The following SYT16 variants were observed in gnomAD, a reference collection of about 807,000 sequenced individuals.
SYT16 encodes synaptotagmin-16.
Under a neutral mutation model 61.4 loss-of-function variants are expected in SYT16, and 42 were observed. That is an observed-to-expected ratio of 0.68 (90% CI 0.53 to 0.89). The LOEUF (loss-of-function observed/expected upper bound fraction) is 0.89, where lower values mean the gene tolerates loss of function less well. SYT16 is among the 40% of genes least tolerant of loss of function. The probability of loss-of-function intolerance (pLI) is 0.00; values close to 1 mark genes in which losing one functional copy is unlikely to be tolerated. For synonymous variants in SYT16, 314 were observed against 302.3 expected (o/e 1.04, Z -0.40); for missense variants, 804 against 807.3 (o/e 1.00, Z 0.05).
intron 1 of SYT16, among the ~76,000 whole-genome samples, chr14:61,898,080 A>G (rs2048386211): frequency 6.6e-6 from 1 of 152,184 alleles, no homozygotes; most frequent in Admixed American, 6.5e-5. Context: ...AACCATCCCT[A>G]GCGCCCGTTA....
At chr14:61,878,268 C>T (rs1418726803) in intron 1 of SYT16, among the ~76,000 whole-genome samples, 2 of 152,144 alleles carry the variant, frequency 1.3e-5, no homozygotes, top group East Asian at 1.9e-4. Flanking sequence ...AAACATTTCT[C>T]CTAGAAAACC....
At chr14:62,096,761 C>G (rs746362750) in intron 7 of SYT16, among the ~76,000 whole-genome samples, 3 of 152,054 alleles carry the variant, frequency 2.0e-5, no homozygotes, top group Non-Finnish European at 4.4e-5. Context: ...AGAAGTTGGA[C>G]AGGATCCCAA....
intron 3 of SYT16, among the ~76,000 whole-genome samples, chr14:62,037,810 T>C (rs1325815022): frequency 6.6e-6 from 1 of 152,202 alleles, no homozygotes; most frequent in East Asian, 1.9e-4. Context: ...GGGCTATTTC[T>C]GATTTCTTAA....
intron 3 of SYT16, among the ~76,000 whole-genome samples, chr14:62,005,601 C>G (rs1179935892): frequency 6.6e-6 from 1 of 152,162 alleles, no homozygotes; most frequent in Non-Finnish European, 1.5e-5. Flanking sequence ...ATTCCACCCA[C>G]TTCTTTCCAT....
rs183021104 is a variant in SYT16, at chr14:61,845,948, G to T, written c.-325+33138G>T. Among the ~76,000 whole-genome samples the T allele has an allele frequency of 2.1e-3, 323 of 152,256 alleles. 1 individual carries two copies. Among genetic ancestry groups the T allele is most frequent in the African/African-American group, 7.5e-3 (313 of 41,544 alleles). ...TCTCCGTAGACCCATTGGTCATTCA[G>T]GAGCATATTGTTTAATTTCCATGTA... On this transcript the variant is annotated intron_variant, in intron 1 of 7. Transcript: ENST00000683842.
intron 1 of SYT16, chr14:61,832,298 G>T (rs72716755): frequency 1.0e-5 from 6 of 588,450 alleles, no homozygotes; most frequent in Non-Finnish European, 2.0e-5. Flanking sequence ...CAACATTTCC[G>T]TGTGCTCGTA....
rs139059691 is a variant in SYT16 at position 62,056,404 on chromosome 14, C to T, written c.524-13199C>T. Among the ~76,000 whole-genome samples the T allele has an allele frequency of 3.3e-5, 5 of 152,240 alleles. No individual in the cohort carries two copies. The East Asian group carries it at 9.7e-4, about 29-fold the overall frequency. ...TGACCTGGGCAAAAAAGGGTTTGTA[C>T]AAGGAATAGTCAGGCTAGCATTGTT... On this transcript the variant is annotated intron_variant, in intron 3 of 7. Transcript: ENST00000683842.
At chr14:62,085,237 A>T (rs921757607) in intron 7 of SYT16, among the ~76,000 whole-genome samples, 1 of 152,226 alleles carries the variant, frequency 6.6e-6, no homozygotes, top group African/African-American at 2.4e-5. Context: ...TTTTGCAGCA[A>T]AAAAGCTTGA....
chr14:61,902,021 C>T lies in SYT16; in HGVS notation c.-324-68111C>T, dbSNP rs1249127991. Among the ~76,000 whole-genome samples, 5 of 152,224 alleles carry T rather than the reference C, an allele frequency of 3.3e-5. No homozygotes were observed. In the East Asian group the frequency reaches 9.7e-4, roughly 29 times the overall value. ...CAGGTGATCCACCTACCTTGGCCTC[C>T]CGAAGTGCTGAGACTATAGGGGTGA... On this transcript the variant is annotated intron_variant, in intron 1 of 7. Transcript: ENST00000683842.
At chr14:61,886,880 C>CTTTTTTTTTT (rs371140698) in intron 1 of SYT16, among the ~76,000 whole-genome samples, 99 of 110,702 alleles carry the variant, frequency 8.9e-4, no homozygotes, top group Non-Finnish European at 1.1e-3. Context: ...TTTTTTTTGT[C>CTTTTTTTTTT]TTTTTTTTTT....
chr14:61,845,812 A>G (rs533890529), intron 1 of SYT16, among the ~76,000 whole-genome samples: 43 of 152,276 alleles, frequency 2.8e-4, no homozygotes, highest in African/African-American at 9.9e-4. Context: ...ACTTATAGCT[A>G]TAAACTTCCC....
At chr14:61,913,539 CAAT>C in intron 1 of SYT16, among the ~76,000 whole-genome samples, 1 of 152,144 alleles carries the variant, frequency 6.6e-6, no homozygotes, top group East Asian at 1.9e-4. Flanking sequence ...ATGTGATGTA[CAAT>C]TATTGTCTTT....
intron 6 of SYT16, among the ~76,000 whole-genome samples, chr14:62,083,196 A>T (rs1316413056): frequency 1.3e-5 from 2 of 152,198 alleles, no homozygotes; most frequent in African/African-American, 4.8e-5. Flanking sequence ...GGTAAACAGG[A>T]TACTTTCCTG....
intron 1 of SYT16, among the ~76,000 whole-genome samples, chr14:61,967,095 T>C (rs1779059409): frequency 6.6e-6 from 1 of 152,010 alleles, no homozygotes; most frequent in Non-Finnish European, 1.5e-5. Context: ...ACAAGAAAGG[T>C]TTCAAAGGAA....
chr14:61,838,720 G>C (rs191362908), intron 1 of SYT16, among the ~76,000 whole-genome samples: 18 of 152,306 alleles, frequency 1.2e-4, no homozygotes, highest in Non-Finnish European at 2.1e-4. Flanking sequence ...TAAAAATGGA[G>C]TGTGACTCTT....
At chr14:62,051,648 T>C (rs1404802502) in intron 3 of SYT16, among the ~76,000 whole-genome samples, 1 of 152,234 alleles carries the variant, frequency 6.6e-6, no homozygotes, top group Non-Finnish European at 1.5e-5. Context: ...AATTGCATAG[T>C]TGCTTAAACT....
chr14:62,053,870 G>A (rs1231410105), intron 3 of SYT16, among the ~76,000 whole-genome samples: 1 of 152,148 alleles, frequency 6.6e-6, no homozygotes, highest in Non-Finnish European at 1.5e-5. Context: ...TTAGGTGGTT[G>A]AATGCCTAAA....
chr14:61,884,243 A>G (rs2047809096), intron 1 of SYT16, among the ~76,000 whole-genome samples: 1 of 152,168 alleles, frequency 6.6e-6, no homozygotes, highest in Non-Finnish European at 1.5e-5. Context: ...GAAGTATATA[A>G]CTAGTTATCT....
intron 3 of SYT16, among the ~76,000 whole-genome samples, chr14:62,062,298 A>AGG (rs35274155): frequency 6.6e-6 from 1 of 152,014 alleles, no homozygotes; most frequent in Non-Finnish European, 1.5e-5. Flanking sequence ...TCTCTATTTG[A>AGG]GGGGGGGATG....
Sources: gnomAD v4.1 joint callset for allele counts (sites outside exome capture counted in the v4.1 genomes callset) on GRCh38, gnomAD v4.1.1 for gene constraint, MANE v1.5 for transcripts, NCBI Gene and HGNC (gene_info 2026-07-23, HGNC 2026-07-21) for gene names.